YARS1: variants seen among roughly 807,000 people sequenced by gnomAD.
The protein encoded by YARS1 is tyrosine--tRNA ligase, cytoplasmic.
YARS1 carries 36 observed loss-of-function variants against 62.2 expected under a neutral mutation model. That is an observed-to-expected ratio of 0.58 (90% confidence interval 0.44 to 0.76). The LOEUF (loss-of-function observed/expected upper bound fraction) is 0.76, where lower values mean the gene tolerates loss of function less well. YARS1 is among the 30% of genes least tolerant of loss of function. The pLI, the probability that YARS1 is intolerant of heterozygous loss-of-function variation, is 0.00. For missense variants in YARS1, 524 were observed against 639.8 expected (o/e 0.82, Z 1.95); for synonymous variants, 234 against 244.9 (o/e 0.96, Z 0.42).
chr1:32,813,023 A>C (rs1169286912), intron 1 of YARS1, among the ~76,000 whole-genome samples: 3 of 151,918 alleles, frequency 2.0e-5, no homozygotes, highest in African/African-American at 7.3e-5. Flanking sequence ...TCTTAACTCA[A>C]GCTGACTTCA....
intron 5 of YARS1, among the ~76,000 whole-genome samples, chr1:32,796,435 G>T (rs1245116436): frequency 2.0e-5 from 3 of 150,874 alleles, no homozygotes; most frequent in African/African-American, 7.3e-5. Flanking sequence ...GTGTGATCAT[G>T]GCTCACTGCA....
intron 4 of YARS1, among the ~76,000 whole-genome samples, chr1:32,803,200 C>T (rs940228312): frequency 6.6e-6 from 1 of 151,486 alleles, no homozygotes; most frequent in South Asian, 2.1e-4. Flanking sequence ...AGGCTGGTCT[C>T]GAACTCCTGA....
chr1:32,777,519 G>A (rs1557443873), intron 12 of YARS1, among the ~76,000 whole-genome samples: 1 of 152,218 alleles, frequency 6.6e-6, no homozygotes, highest in Non-Finnish European at 1.5e-5. Flanking sequence ...GCTGAGGCAG[G>A]AGAATTGCTT....
chr1:32,784,673 T>C (rs1397520219), intron 8 of YARS1, among the ~76,000 whole-genome samples: 1 of 152,166 alleles, frequency 6.6e-6, no homozygotes, highest in Non-Finnish European at 1.5e-5. Flanking sequence ...CTGGTATATA[T>C]ATATTCTTTT....
In YARS1 at chr1:32,817,327, TGTCACGCGAGTCCAGCCAG is replaced by T; in HGVS notation, c.-102_-84del. On this transcript the variant is annotated 5_prime_UTR_variant, in exon 1 of 13. An upstream open reading frame in the 5' UTR loses its in-frame stop. Coordinates refer to ENST00000373477, the MANE Select transcript of YARS1 (RefSeq NM_003680.4). Reference sequence around the variant, plus strand: ...ACCGTCGCCGCCGCGTGCCGGGAACTGTCACGCGAGTCCAGCCAGGTTGCATCAGCTGGGCTCGGCGCTC... The same window carrying T: ...ACCGTCGCCGCCGCGTGCCGGGAACTGTTGCATCAGCTGGGCTCGGCGCTC... 1 of 1,562,762 alleles carries T rather than the reference TGTCACGCGAGTCCAGCCAG, an allele frequency of 6.4e-7. No homozygotes were observed. Among genetic ancestry groups the T allele is most frequent in the African/African-American group, 1.3e-5 (1 of 74,200 alleles).
chr1:32,786,207 G>C (rs1254979886), intron 8 of YARS1, among the ~76,000 whole-genome samples, 155 bp downstream of exon 8: 1 of 152,148 alleles, frequency 6.6e-6, no homozygotes, highest in East Asian at 1.9e-4. Flanking sequence ...AATTTTGAAG[G>C]AAAATGGACA....
rs933879895 is a variant in YARS1, at chr1:32,806,684, C to T, written c.381-73G>A. On this transcript the variant is annotated intron_variant, in intron 3 of 12. Coordinates refer to ENST00000373477, the MANE Select transcript of YARS1 (RefSeq NM_003680.4). ...TCAGTTTCCTAGGAAATCTAAAGCA[C>T]ATTAATTTACTTCCCTAACCTTAGT... The T allele has an allele frequency of 1.1e-5, 17 of 1,601,588 alleles. No individual in the cohort carries two copies. In the African/African-American group the frequency reaches 2.1e-4, roughly 20 times the overall value.
chr1:32,808,115 T>C (rs540488526), intron 3 of YARS1, among the ~76,000 whole-genome samples: 1 of 152,144 alleles, frequency 6.6e-6, no homozygotes, highest in East Asian at 1.9e-4. Context: ...CTACGCCCAC[T>C]CTGGTCTCGA....
At chr1:32,789,570 C>A (rs907631098) in intron 6 of YARS1, among the ~76,000 whole-genome samples, 2 of 150,898 alleles carry the variant, frequency 1.3e-5, no homozygotes, top group African/African-American at 4.9e-5. Context: ...ATCAAAATCT[C>A]TTGGGATTGG....
chr1:32,784,871 A>G (rs1429398556), intron 8 of YARS1, among the ~76,000 whole-genome samples: 1 of 152,204 alleles, frequency 6.6e-6, no homozygotes, highest in Non-Finnish European at 1.5e-5. Flanking sequence ...AGTCCCTAGC[A>G]TAGTGCCTAA....
intron 8 of YARS1, chr1:32,782,820 A>G: frequency 2.3e-6 from 1 of 437,306 alleles, no homozygotes; most frequent in Non-Finnish European, 4.2e-6. Flanking sequence ...TGCTTAGAGT[A>G]GGGTCACAGA....
chr1:32,807,607 G>A (rs1288701554), intron 3 of YARS1, among the ~76,000 whole-genome samples: 1 of 151,922 alleles, frequency 6.6e-6, no homozygotes, highest in African/African-American at 2.4e-5. Context: ...ATAGGCATGT[G>A]CCACCACACC....
At position 32,791,186 on chromosome 1, in the gene YARS1, G is replaced by A; in HGVS notation, c.660C>T (p.Gly220=). ...LMNPMVPGLT[G]SKMSSSEEES... Reference sequence around the variant, plus strand: ...CCTCTTCTGAAGAGCTCATTTTGCTGCCTGTTAATCCTGGAACCATAGGAT... The same window carrying A: ...CCTCTTCTGAAGAGCTCATTTTGCTACCTGTTAATCCTGGAACCATAGGAT... The change falls in exon 6 of 13, where the codon GGC becomes GGT. Residue 220 remains glycine (G), a synonymous_variant. Transcript: ENST00000373477. 1.2e-6 allele frequency: 2 copies of A among 1,614,060 alleles called. No homozygotes were observed.
intron 6 of YARS1, 81 bp downstream of exon 6, chr1:32,791,081 C>A: frequency 7.8e-7 from 1 of 1,278,558 alleles, no homozygotes; most frequent in Non-Finnish European, 1.1e-6. Context: ...TTCTAGTTAG[C>A]CAGGTCACTG....
chr1:32,779,349 C>T, intron 12 of YARS1, 33 bp downstream of exon 12: 2 of 1,614,128 alleles, frequency 1.2e-6, no homozygotes, highest in Non-Finnish European at 1.7e-6. Context: ...CCAGGCAGCC[C>T]AGCCAAGAAA....
intron 3 of YARS1, among the ~76,000 whole-genome samples, chr1:32,807,490 T>A (rs773546553): frequency 1.3e-5 from 2 of 152,048 alleles, no homozygotes; most frequent in South Asian, 4.2e-4. Flanking sequence ...AGGGTCTCAC[T>A]CTGTCACCTG....
rs1458370207 is a variant in YARS1, at chr1:32,801,925, T to C, written c.511-4082A>G. On this transcript the variant is annotated intron_variant, in intron 4 of 12. Transcript: ENST00000373477. ...CATCTTCAGGCTCCACTCCTAATTG[T>C]AGTTCTCTTGTTATTTCTTTTTTTT... Among the ~76,000 whole-genome samples, 5 of 151,522 alleles carry C rather than the reference T, an allele frequency of 3.3e-5. No homozygotes were observed. The South Asian group carries it at 8.3e-4, about 25-fold the overall frequency.
At chr1:32,811,283 A>T in intron 1 of YARS1, 1 of 649,816 alleles carries the variant, frequency 1.5e-6, no homozygotes, top group Admixed American at 2.4e-5. Context: ...TGGCTCCTTC[A>T]CTTGTAGCCC....
At chr1:32,796,678 T>C (rs930300989) in intron 5 of YARS1, among the ~76,000 whole-genome samples, 16 of 151,656 alleles carry the variant, frequency 1.1e-4, no homozygotes, top group Non-Finnish European at 1.9e-4. Flanking sequence ...AAAATTTATA[T>C]TGTGGCTGGG....
Sources: gnomAD v4.1 joint callset for allele counts (sites outside exome capture counted in the v4.1 genomes callset) on GRCh38, gnomAD v4.1.1 for gene constraint, MANE v1.5 for transcripts, NCBI Gene and HGNC (gene_info 2026-07-23, HGNC 2026-07-21) for gene names.